CCDC175: variants seen among roughly 807,000 people sequenced by gnomAD.
CCDC175 encodes coiled-coil domain-containing protein 175.
CCDC175 carries 100 observed loss-of-function variants against 114.6 expected under a neutral mutation model. That is an observed-to-expected ratio of 0.87 (90% CI 0.74 to 1.03). CCDC175 has a LOEUF of 1.03. CCDC175 is among the 50% of genes least tolerant of loss of function. CCDC175 has a pLI of 0.00. For missense variants in CCDC175, 880 were observed against 917.8 expected (o/e 0.96, Z 0.53); for synonymous variants, 306 against 308.7 (o/e 0.99, Z 0.09).
chr14:59,523,667 G>A (rs548080679), intron 16 of CCDC175, among the ~76,000 whole-genome samples: 27 of 152,274 alleles, frequency 1.8e-4, no homozygotes, highest in African/African-American at 5.8e-4. Flanking sequence ...TTTAGAAATG[G>A]TATTTCTTTT....
intron 9 of CCDC175, 46 bp downstream of exon 9, chr14:59,545,117 C>G (rs1208927905): frequency 2.7e-6 from 4 of 1,505,142 alleles, no homozygotes; most frequent in East Asian, 5.0e-5. Flanking sequence ...AGAAAAGCAC[C>G]CCATAATGAT....
intron 17 of CCDC175, among the ~76,000 whole-genome samples, chr14:59,516,140 C>T (rs1221623952): frequency 2.0e-5 from 3 of 152,124 alleles, no homozygotes; most frequent in African/African-American, 7.2e-5. Context: ...ACACGACATA[C>T]CAGAATCTCT....
intron 2 of CCDC175, among the ~76,000 whole-genome samples, chr14:59,573,399 C>A (rs938630254): frequency 3.9e-5 from 6 of 152,036 alleles, no homozygotes; most frequent in Non-Finnish European, 7.4e-5. Context: ...TTATAAAAAG[C>A]AGACTATATA....
intron 15 of CCDC175, 112 bp from the exon 16 acceptor site, chr14:59,525,546 T>G (rs1025860888): frequency 4.3e-6 from 3 of 699,206 alleles, no homozygotes; most frequent in Middle Eastern, 2.5e-4. Context: ...TTCTGAAGTA[T>G]CCAGCAGAGG....
chr14:59,526,555 C>CAA (rs34795667), intron 15 of CCDC175, among the ~76,000 whole-genome samples: 16,804 of 141,890 alleles, frequency 0.12, 1,104 homozygotes, highest in African/African-American at 0.18. Flanking sequence ...GACTCCATCT[C>CAA]AAAAAAAAAA....
chr14:59,551,648 C>T (rs4243616), intron 7 of CCDC175, among the ~76,000 whole-genome samples: 78,650 of 151,908 alleles, frequency 0.52, 21,625 homozygotes, highest in East Asian at 0.82. Context: ...GCCCACTGAG[C>T]GAGAGCTGAA....
intron 11 of CCDC175, among the ~76,000 whole-genome samples, chr14:59,540,412 AG>A (rs149905004): frequency 0.035 from 5,257 of 152,068 alleles, 157 homozygotes; most frequent in Middle Eastern, 0.1. Flanking sequence ...GATGAGCAAA[AG>A]GCATTGCACA....
intron 13 of CCDC175, among the ~76,000 whole-genome samples, chr14:59,537,136 G>A (rs1332587568): frequency 1.3e-5 from 2 of 152,072 alleles, no homozygotes; most frequent in Non-Finnish European, 2.9e-5. Flanking sequence ...TTCTTCATTT[G>A]TAGGAAAGTT....
At chr14:59,566,780 G>A (rs536490413) in intron 4 of CCDC175, among the ~76,000 whole-genome samples, 1 of 152,282 alleles carries the variant, frequency 6.6e-6, no homozygotes, top group Admixed American at 6.5e-5. Context: ...GTCAGAGTCT[G>A]TGAACACTTT....
intron 10 of CCDC175, among the ~76,000 whole-genome samples, chr14:59,542,045 T>C (rs1566616147): frequency 6.6e-6 from 1 of 152,220 alleles, no homozygotes; most frequent in Non-Finnish European, 1.5e-5. Context: ...GCTTGAATTT[T>C]CATCACCCCC....
chr14:59,557,913 T>C (rs1456157172), intron 7 of CCDC175, among the ~76,000 whole-genome samples: 2 of 152,164 alleles, frequency 1.3e-5, no homozygotes, highest in African/African-American at 4.8e-5. Flanking sequence ...GATCAGGAGA[T>C]AAGCAAGTTA....
chr14:59,553,338 C>G (rs1347565387), intron 7 of CCDC175, among the ~76,000 whole-genome samples: 3 of 152,166 alleles, frequency 2.0e-5, no homozygotes, highest in African/African-American at 7.2e-5. Flanking sequence ...GAATTTTCAA[C>G]CCAGAATTTC....
At chr14:59,546,119 G>A (rs1442610001) in intron 8 of CCDC175, among the ~76,000 whole-genome samples, 1 of 152,126 alleles carries the variant, frequency 6.6e-6, no homozygotes, top group Non-Finnish European at 1.5e-5. Flanking sequence ...AATACACCAT[G>A]GAACATTATG....
At chr14:59,569,319 ATCT>A (rs1354929250) in intron 3 of CCDC175, among the ~76,000 whole-genome samples, 1 of 152,122 alleles carries the variant, frequency 6.6e-6, no homozygotes, top group Admixed American at 6.6e-5. Context: ...TCATCTGGAG[ATCT>A]TCTTAAAATG....
chr14:59,535,323 G>C (rs76631662), intron 13 of CCDC175, among the ~76,000 whole-genome samples: 2 of 152,106 alleles, frequency 1.3e-5, no homozygotes, highest in African/African-American at 2.4e-5. Context: ...TGAGTTTTGC[G>C]ATCTACTGAT....
At chr14:59,542,836 A>G (rs1894867896) in intron 10 of CCDC175, among the ~76,000 whole-genome samples, 1 of 152,168 alleles carries the variant, frequency 6.6e-6, no homozygotes, top group Admixed American at 6.5e-5. Flanking sequence ...CAGTTATAGT[A>G]GAGTATAATC....
chr14:59,510,942 G>C, intron 18 of CCDC175, 134 bp from the exon 19 acceptor site: 2 of 721,214 alleles, frequency 2.8e-6, no homozygotes, highest in South Asian at 2.0e-5. Context: ...ATAAGTGCTT[G>C]TGTACACAGC....
At chr14:59,516,904 G>A (rs1208524633) in intron 17 of CCDC175, among the ~76,000 whole-genome samples, 2 of 152,024 alleles carry the variant, frequency 1.3e-5, no homozygotes, top group African/African-American at 2.4e-5. Flanking sequence ...GATGAACATT[G>A]ATGCAAAAAT....
At chr14:59,528,912 T>C (rs887461858) in intron 14 of CCDC175, among the ~76,000 whole-genome samples, 16 of 152,222 alleles carry the variant, frequency 1.1e-4, no homozygotes, top group Admixed American at 3.9e-4. Flanking sequence ...AAAAATGCAA[T>C]ATATTTATTT....
Sources: allele counts gnomAD v4.1 joint callset (sites outside exome capture counted in the v4.1 genomes callset), GRCh38; gene constraint gnomAD v4.1.1; transcripts MANE v1.5; gene names NCBI Gene and HGNC (gene_info 2026-07-23, HGNC 2026-07-21).